The following ZNF780A variants were observed in gnomAD, a reference collection of about 807,000 sequenced individuals.
ZNF780A encodes zinc finger protein 780A.
Under a neutral mutation model 56.7 loss-of-function variants are expected in ZNF780A, and 40 were observed. The observed-to-expected ratio is 0.71, with a 90% CI of 0.55 to 0.92. ZNF780A has a LOEUF of 0.92. ZNF780A is among the 40% of genes least tolerant of loss of function. ZNF780A has a pLI of 0.00. For missense variants in ZNF780A, 672 were observed against 783.3 expected, an observed-to-expected ratio of 0.86 and a Z score of 1.70; for synonymous variants, 231 against 248.3, an observed-to-expected ratio of 0.93 and a Z score of 0.66.
At position 40,073,161 on chromosome 19, in the gene ZNF780A, A is replaced by G; in HGVS notation, c.*1355T>C. The G allele has an allele frequency of 9.7e-7, 1 of 1,030,426 alleles. No homozygotes were observed. The allele number at this position is 1,030,426 out of a possible 1,614,324, so 63.8% of individuals were successfully genotyped here. ...TCAATGGTACAACAAATATACAAAA[A>G]ATAAACGTGCAAATTGTTAACAATT... is the stretch of plus-strand genomic sequence containing the variant. On this transcript the variant is annotated 3_prime_UTR_variant, in exon 6 of 6. Transcript: ENST00000683561.
At chr19:40,079,794 A>G (rs1974368745) in intron 5 of ZNF780A, among the ~76,000 whole-genome samples, 1 of 152,146 alleles carries the variant, frequency 6.6e-6, no homozygotes, top group South Asian at 2.1e-4. Context: ...TGAAAATCAG[A>G]ATACAACATA....
Position 40,074,844 on chromosome 19 carries a change from T to C in ZNF780A, c.1598A>G (p.Glu533Gly), listed in dbSNP as rs1461095690. The C allele has an allele frequency of 1.2e-6, 2 of 1,614,104 alleles. No homozygotes were observed. Among genetic ancestry groups the C allele is most frequent in the African/African-American group, 1.3e-5 (1 of 74,932 alleles). The change falls in exon 6 of 6, where the codon GAA (glutamate) becomes GGA (glycine). Residue 533 changes from glutamate to glycine, a missense_variant. Physicochemically the swap from Glu to Gly is moderately conservative, Grantham distance 98. Transcript: ENST00000683561. ...ACCACGACGAAAGAATTTCCCACAT[T>C]CCTTACATTCAAATGGTTTTTCACC... ...HTGEKPFECK[E>G]CGKFFRRGSN...
chr19:40,086,530 G>T (rs1974803350), intron 2 of ZNF780A, among the ~76,000 whole-genome samples: 1 of 150,818 alleles, frequency 6.6e-6, no homozygotes, highest in African/African-American at 2.5e-5. Flanking sequence ...TGCAAACTAT[G>T]TGAGAAAATT....
In ZNF780A at chr19:40,084,788, G is replaced by C. The variant is rs370443987; in HGVS notation, c.-35C>G. The C allele has an allele frequency of 6.4e-6, 10 of 1,552,900 alleles. No individual in the cohort carries two copies. Among genetic ancestry groups the C allele is most frequent in the African/African-American group, 1.4e-5 (1 of 73,106 alleles). ...ATTACAAAACTGGTCAATCTTCCTC[G>C]GGCTTCTCCCCTGGAAAACAACAAC... On this transcript the variant is annotated 5_prime_UTR_variant, in exon 3 of 6. Transcript: ENST00000683561.
At position 40,074,082 on chromosome 19, in the gene ZNF780A, C is replaced by T. The variant is rs1973941428; in HGVS notation, c.*434G>A. On this transcript the variant is annotated 3_prime_UTR_variant, in exon 6 of 6. Transcript: ENST00000683561. ...GACCAAACTAAATCTGAAAGTTTTC[C>T]CACACTCCTTACATTCATAGAGTTT... is the stretch of plus-strand genomic sequence containing the variant. 7 of 1,268,598 alleles carry T rather than the reference C, an allele frequency of 5.5e-6. No individual in the cohort carries two copies. The South Asian group carries it at 1.3e-4, about 23-fold the overall frequency. 78.6% of individuals were successfully genotyped at this position (1,268,598 alleles called of 1,614,324 possible).
intron 2 of ZNF780A, chr19:40,089,206 G>A: frequency 2.2e-6 from 3 of 1,361,306 alleles, no homozygotes; most frequent in Non-Finnish European, 2.9e-6. Flanking sequence ...ATAACTATGT[G>A]AGGTAATGCA....
rs776680246 is a variant in ZNF780A at position 40,075,243 on chromosome 19, C to T, written c.1199G>A (p.Arg400His). The change falls in exon 6 of 6, where the codon CGT becomes CAT. Residue 400 changes from arginine (R) to histidine (H), a missense_variant. Arg to His is a conservative substitution (Grantham distance 29). Coordinates refer to ENST00000683561, the MANE Select transcript of ZNF780A (RefSeq NM_001142578.2). ...ECKECGKSFN[R>H]SSNLVQHQSI... ...CTGATGTTGAACAAGGTTTGAGCTA[C>T]GATTAAAGGACTTCCCACATTCCTT... 55 of 1,613,036 alleles carry T rather than the reference C, an allele frequency of 3.4e-5. No homozygotes were observed. The highest frequency in any genetic ancestry group is 1.2e-4 in the South Asian group (11 of 91,014).
chr19:40,078,266 A>C (rs1301493643), intron 5 of ZNF780A, among the ~76,000 whole-genome samples: 1 of 152,100 alleles, frequency 6.6e-6, no homozygotes, highest in African/African-American at 2.4e-5. Context: ...AAAACAAAAA[A>C]AGAAGAAGAA....
At position 40,084,759 on chromosome 19, in the gene ZNF780A, T is replaced by C; in HGVS notation, c.-6A>G. On this transcript the variant is annotated 5_prime_UTR_variant, in exon 3 of 6. Transcript: ENST00000683561. ...TACAAACTTACATGGACCATGTTGC[T>C]AGAATTACAAAACTGGTCAATCTTC... 1 of 1,552,992 alleles carries C rather than the reference T, an allele frequency of 6.4e-7. No homozygotes were observed. Among genetic ancestry groups the C allele is most frequent in the Non-Finnish European group, 8.7e-7 (1 of 1,147,732 alleles).
chr19:40,083,318 G>C lies in ZNF780A; in HGVS notation c.10-81C>G, dbSNP rs945740356. 1.9e-6 allele frequency: 3 copies of C among 1,571,498 alleles called. No homozygotes were observed. In the African/African-American group the frequency reaches 4.1e-5, roughly 22 times the overall value. ...AAAGGAGAGGAAGTGAAGGAGTGTA[G>C]TGTAAGAAAAAAGCAATATGGAAAT... On this transcript the variant is annotated intron_variant, in intron 3 of 5. Transcript: ENST00000683561.
At chr19:40,085,357 C>A (rs1394559462) in intron 2 of ZNF780A, 3 of 984,962 alleles carry the variant, frequency 3.0e-6, no homozygotes, top group Non-Finnish European at 3.6e-6. Context: ...CAGTTCAGAA[C>A]ATCCACTTAA....
At chr19:40,089,129 T>C (rs143934472) in intron 2 of ZNF780A, 13 of 840,964 alleles carry the variant, frequency 1.5e-5, no homozygotes, top group Middle Eastern at 4.1e-4. Context: ...CTCCAATTAA[T>C]AACAATATTC....
chr19:40,086,847 C>T lies in ZNF780A; in HGVS notation c.-45-2049G>A, dbSNP rs546038396. ...CCTCCTGAGTAGCTGGGATTATAGG[C>T]GCCTGCCACCACTCCCGGCTAGTTT... On this transcript the variant is annotated intron_variant, in intron 2 of 5. Transcript: ENST00000683561. Among the ~76,000 whole-genome samples the T allele has an allele frequency of 1.1e-4, 17 of 151,908 alleles. No individual in the cohort carries two copies. In the South Asian group the frequency reaches 2.5e-3, roughly 22 times the overall value.
At chr19:40,070,606 T>C (rs1162438264), downstream of ZNF780A, 1 of 152,248 alleles carries the variant, frequency 6.6e-6, no homozygotes, top group Admixed American at 6.5e-5. Flanking sequence ...GAATTCAGTA[T>C]GTTCACTGAG....
intron 5 of ZNF780A, among the ~76,000 whole-genome samples, chr19:40,078,695 A>T (rs1032329197): frequency 6.6e-6 from 1 of 152,184 alleles, no homozygotes; most frequent in Non-Finnish European, 1.5e-5. Flanking sequence ...AAATTATAAA[A>T]CATAAATGAA....
chr19:40,080,352 T>C (rs1047312528), intron 5 of ZNF780A, among the ~76,000 whole-genome samples: 4 of 151,900 alleles, frequency 2.6e-5, no homozygotes, highest in African/African-American at 4.8e-5. Flanking sequence ...AAAAAGAAAA[T>C]AGTTCTAGCC....
chr19:40,083,159 A>G lies in ZNF780A; in HGVS notation c.88T>C (p.Leu30=), dbSNP rs1974582540. The change falls in exon 4 of 6, where the codon TTG becomes CTG. Residue 30 remains leucine, a synonymous_variant. Coordinates refer to ENST00000683561, the MANE Select transcript of ZNF780A (RefSeq NM_001142578.2). ...TTCTCCAACATCACATCCCTGTACA[A>G]GGTCCTCTGATCAGGCTGCAGGCAC... ...WECLQPDQRT[L]YRDVMLENYS... The G allele has an allele frequency of 2.5e-6, 4 of 1,614,086 alleles. No individual in the cohort carries two copies. In the Admixed American group the frequency reaches 5.0e-5, roughly 20 times the overall value.
At chr19:40,087,904 T>C (rs1974905897) in intron 2 of ZNF780A, among the ~76,000 whole-genome samples, 1 of 151,978 alleles carries the variant, frequency 6.6e-6, no homozygotes, top group Non-Finnish European at 1.5e-5. Flanking sequence ...GAACATACAA[T>C]GGGGAAAAGA....
rs1973894797 is a variant in ZNF780A at position 40,073,108 on chromosome 19, A to G, written c.*1408T>C. The stretch of plus-strand genomic sequence containing the variant: ...TACACACGTTGATTAAATAAAGGGT[A>G]AAGTGTCATGATGTCTAAAACTTAT... On this transcript the variant is annotated 3_prime_UTR_variant, in exon 6 of 6. Coordinates refer to ENST00000683561, the MANE Select transcript of ZNF780A (RefSeq NM_001142578.2). 2.3e-6 allele frequency: 3 copies of G among 1,315,956 alleles called. No homozygotes were observed. Among genetic ancestry groups the G allele is most frequent in the Middle Eastern group, 5.6e-4 (2 of 3,576 alleles). The allele number at this position is 1,315,956 out of a possible 1,614,324, so 81.5% of individuals were successfully genotyped here.
Sources: allele counts gnomAD v4.1 joint callset (sites outside exome capture counted in the v4.1 genomes callset), GRCh38; gene constraint gnomAD v4.1.1; transcripts MANE v1.5; gene names NCBI Gene and HGNC (gene_info 2026-07-23, HGNC 2026-07-21).